ROBO2: variants seen among roughly 807,000 people sequenced by gnomAD.
ROBO2 encodes roundabout guidance receptor 2.
In ROBO2, 53 loss-of-function variants were observed where a neutral mutation model predicts 160.8. The observed-to-expected ratio is 0.33, with a 90% confidence interval of 0.26 to 0.41. The LOEUF is 0.41. Among genes scored for constraint, ROBO2 ranks in the 10% least tolerant of loss-of-function variants. The pLI is 1.00. For missense variants in ROBO2, 1,577 were observed against 1,722.4 expected (o/e 0.92, Z 1.49); for synonymous variants, 664 against 611.7 (o/e 1.09, Z -1.26).
intron 2 of ROBO2, among the ~76,000 whole-genome samples, chr3:76,648,889 T>A (rs993099387): frequency 3.3e-5 from 5 of 152,112 alleles, no homozygotes; most frequent in African/African-American, 1.2e-4. Context: ...AAATTTTTTA[T>A]TTGTAAAATT....
chr3:77,452,976 G>GT (rs2153563892), intron 2 of ROBO2, among the ~76,000 whole-genome samples: 1 of 152,144 alleles, frequency 6.6e-6, no homozygotes, highest in Admixed American at 6.5e-5. Flanking sequence ...ATCTCCTCAA[G>GT]TAGTGTCTTC....
At chr3:76,541,213 GA>G (rs1436286143) in intron 2 of ROBO2, among the ~76,000 whole-genome samples, 2 of 152,036 alleles carry the variant, frequency 1.3e-5, no homozygotes, top group Non-Finnish European at 2.9e-5. Context: ...TATAATTATG[GA>G]ATAACTACTT....
At chr3:76,385,190 T>G (rs893802603) in intron 2 of ROBO2, among the ~76,000 whole-genome samples, 1 of 152,008 alleles carries the variant, frequency 6.6e-6, no homozygotes, top group African/African-American at 2.4e-5. Context: ...AGACAGGGCT[T>G]CTCCATGTTG....
At position 77,596,522 on chromosome 3, in the gene ROBO2, A is replaced by T; in HGVS notation, c.2727-101A>T. 3 of 1,427,074 alleles carry T rather than the reference A, an allele frequency of 2.1e-6. No homozygotes were observed. The South Asian group carries it at 3.5e-5, about 17-fold the overall frequency. The allele number at this position is 1,427,074 out of a possible 1,614,324, so 88.4% of individuals were successfully genotyped here. A position where few individuals can be genotyped will look rare whatever the true frequency, so the allele number is the denominator to read the frequency against. ...GTCTACTTATATTAATTTGAAGTCA[A>T]TGAAAATCTTCCATTTCTTAACGCT... On this transcript the variant is annotated intron_variant, in intron 18 of 25. Transcript: ENST00000461745.
intron 2 of ROBO2, among the ~76,000 whole-genome samples, chr3:76,374,484 G>A (rs1353332763): frequency 1.3e-5 from 2 of 151,826 alleles, no homozygotes; most frequent in Non-Finnish European, 2.9e-5. Flanking sequence ...AAAAATAGCC[G>A]TGTTCTCTAA....
intron 10 of ROBO2, 104 bp downstream of exon 11, chr3:77,562,836 A>C: frequency 1.1e-6 from 1 of 871,964 alleles, no homozygotes. Context: ...CACTGAATGT[A>C]AATTTTAGCC....
At chr3:76,206,693 T>C (rs368392228) in intron 2 of ROBO2, among the ~76,000 whole-genome samples, 9 of 152,198 alleles carry the variant, frequency 5.9e-5, no homozygotes, top group African/African-American at 1.2e-4. Context: ...TTTACTTTCA[T>C]TGGGCATTCA....
At chr3:77,163,141 T>C (rs574821537) in intron 2 of ROBO2, among the ~76,000 whole-genome samples, 1 of 152,250 alleles carries the variant, frequency 6.6e-6, no homozygotes, top group East Asian at 1.9e-4. Flanking sequence ...TGGCCAAGGG[T>C]ATTACTTTTG....
chr3:76,138,937 G>A lies in ROBO2; in HGVS notation c.109+201335G>A, dbSNP rs543080757. ...TTTATCTGATCAATGGTATGCCTGG[G>A]TAAACAGATTTACTTATATGGAATT... On this transcript the variant is annotated intron_variant, in intron 2 of 26. Transcript: ENST00000487694. 2.0e-5 allele frequency among the ~76,000 whole-genome samples: 3 copies of A among 152,240 alleles called. No homozygotes were observed. The East Asian group carries it at 5.8e-4, about 29-fold the overall frequency.
intron 2 of ROBO2, among the ~76,000 whole-genome samples, chr3:77,398,933 G>C (rs1035452363): frequency 1.2e-4 from 19 of 152,044 alleles, no homozygotes; most frequent in Admixed American, 1.2e-3. Context: ...TTGTAAAATA[G>C]CCTGGAGTTA....
intron 2 of ROBO2, among the ~76,000 whole-genome samples, chr3:76,422,607 G>A (rs543880154): frequency 9.2e-5 from 14 of 152,116 alleles, no homozygotes; most frequent in African/African-American, 1.2e-4. Flanking sequence ...GAGTTGTTTC[G>A]TCTAACTTAG....
chr3:76,903,961 T>C (rs537065488), intron 2 of ROBO2, among the ~76,000 whole-genome samples: 61 of 109,228 alleles, frequency 5.6e-4, no homozygotes, highest in Non-Finnish European at 8.2e-4. Flanking sequence ...AAAAAGAAAT[T>C]TGTATTCATT....
At chr3:76,645,816 G>T (rs1200501752) in intron 2 of ROBO2, among the ~76,000 whole-genome samples, 1 of 152,100 alleles carries the variant, frequency 6.6e-6, no homozygotes, top group East Asian at 1.9e-4. Context: ...ACAATAAAAG[G>T]CTTACAATTA....
intron 2 of ROBO2, among the ~76,000 whole-genome samples, chr3:76,582,752 G>A (rs1223269935): frequency 2.0e-5 from 3 of 152,094 alleles, no homozygotes; most frequent in Non-Finnish European, 4.4e-5. Flanking sequence ...ATTTAAGGCA[G>A]TAGCAATGGT....
In ROBO2 at chr3:76,706,399, C is replaced by A. The variant is rs571296949; in HGVS notation, c.110-391615C>A. Among the ~76,000 whole-genome samples the A allele has an allele frequency of 2.0e-5, 3 of 152,056 alleles. No homozygotes were observed. The East Asian group carries it at 5.8e-4, about 29-fold the overall frequency. ...CTTCCCATTTCTGCCACCCAAAATT[C>A]AAAAGTGAAAATGTTATCATATTTT... On this transcript the variant is annotated intron_variant, in intron 2 of 26. Coordinates refer to the ROBO2 transcript ENST00000487694.
intron 2 of ROBO2, among the ~76,000 whole-genome samples, chr3:76,625,738 A>G (rs1024908570): frequency 6.6e-6 from 1 of 152,196 alleles, no homozygotes; most frequent in African/African-American, 2.4e-5. Context: ...TAAAAGGCAT[A>G]TTAGCAGGAA....
rs1460898245 is a variant in ROBO2 at position 75,964,728 on chromosome 3, C to A, written c.109+27126C>A. On this transcript the variant is annotated intron_variant, in intron 2 of 26. Coordinates refer to the ROBO2 transcript ENST00000487694. ...ATTAACTGGTAAGTTACACGAGTTT[C>A]AATTTCCCAGAACTCTAATATATAT... Among the ~76,000 whole-genome samples, 5 of 151,712 alleles carry A rather than the reference C, an allele frequency of 3.3e-5. No individual in the cohort carries two copies. The Admixed American group carries it at 3.3e-4, about 10-fold the overall frequency.
At chr3:77,014,211 GA>G (rs1320455240) in intron 2 of ROBO2, among the ~76,000 whole-genome samples, 2 of 151,486 alleles carry the variant, frequency 1.3e-5, no homozygotes, top group Non-Finnish European at 2.9e-5. Flanking sequence ...TAAATGCACT[GA>G]ATTTTTTTTA....
intron 5 of ROBO2, among the ~76,000 whole-genome samples, chr3:77,518,890 T>C (rs7648401): frequency 0.79 from 120,067 of 151,382 alleles, 48,348 homozygotes; most frequent in African/African-American, 0.93. Context: ...ACCTATCTCA[T>C]TGGGAATGGA....
Sources: allele counts gnomAD v4.1 joint callset (sites outside exome capture counted in the v4.1 genomes callset), GRCh38; gene constraint gnomAD v4.1.1; transcripts MANE v1.5; gene names NCBI Gene and HGNC (gene_info 2026-07-23, HGNC 2026-07-21).